ADGRL3: variants seen among roughly 807,000 people sequenced by gnomAD.
ADGRL3 encodes the protein adhesion G protein-coupled receptor L3, also known as calcium-independent alpha-latrotoxin receptor 3.
ADGRL3 carries 62 observed loss-of-function variants against 153.5 expected under a neutral mutation model. The observed-to-expected ratio is 0.40, with a 90% CI of 0.33 to 0.50. The LOEUF (loss-of-function observed/expected upper bound fraction) is 0.50, where lower values mean the gene tolerates loss of function less well. ADGRL3 is among the 20% of genes least tolerant of loss of function. The pLI, the probability that ADGRL3 is intolerant of heterozygous loss-of-function variation, is 0.47. For synonymous variants in ADGRL3, 710 were observed against 672.5 expected, an observed-to-expected ratio of 1.06 and a Z score of -0.86; for missense variants, 1,641 against 1,859.4, an observed-to-expected ratio of 0.88 and a Z score of 2.16.
At chr4:61,826,813 TG>T (rs140681243) in intron 9 of ADGRL3, among the ~76,000 whole-genome samples, 11,953 of 152,052 alleles carry the variant, frequency 0.079, 623 homozygotes, top group Admixed American at 0.16. Flanking sequence ...ATATACCTAA[TG>T]TAAATGATGA....
chr4:61,424,804 T>C (rs959853006), intron 2 of ADGRL3, among the ~76,000 whole-genome samples: 1 of 152,114 alleles, frequency 6.6e-6, no homozygotes, highest in Admixed American at 6.5e-5. Context: ...GGCTGTAACC[T>C]GTGTTTCTAC....
At chr4:61,317,836 G>C (rs1464010819) in intron 1 of ADGRL3, among the ~76,000 whole-genome samples, 1 of 151,984 alleles carries the variant, frequency 6.6e-6, no homozygotes, top group Non-Finnish European at 1.5e-5. Context: ...CTCCAACCCA[G>C]TACAAAAACT....
intron 9 of ADGRL3, among the ~76,000 whole-genome samples, chr4:61,816,118 G>A (rs1237816525): frequency 6.6e-6 from 1 of 152,170 alleles, no homozygotes; most frequent in Non-Finnish European, 1.5e-5. Flanking sequence ...TCCTACTAAT[G>A]TGAGTTGGTG....
intron 5 of ADGRL3, among the ~76,000 whole-genome samples, chr4:61,672,916 T>A (rs1018846889): frequency 6.6e-6 from 1 of 151,956 alleles, no homozygotes; most frequent in African/African-American, 2.4e-5. Flanking sequence ...AAGATAAATA[T>A]AATTGGCCTA....
chr4:61,765,526 G>T lies in ADGRL3; in HGVS notation c.1399+31972G>T, dbSNP rs544049949. On this transcript the variant is annotated intron_variant, in intron 8 of 26. Coordinates refer to ENST00000683033, the MANE Select transcript of ADGRL3 (RefSeq NM_001387552.1). ...ACAGAGGACCGTAAGGGATATAAAGGTTTCACTGAATACTAAGAGCCTGAA... is the reference window on the plus strand; with the variant it reads ...ACAGAGGACCGTAAGGGATATAAAGTTTTCACTGAATACTAAGAGCCTGAA... Among the ~76,000 whole-genome samples the T allele has an allele frequency of 2.6e-5, 4 of 152,132 alleles. No homozygotes were observed. In the South Asian group the frequency reaches 6.2e-4, roughly 24 times the overall value.
At chr4:61,274,158 A>G (rs1226316041) in intron 1 of ADGRL3, among the ~76,000 whole-genome samples, 1 of 152,244 alleles carries the variant, frequency 6.6e-6, no homozygotes, top group Non-Finnish European at 1.5e-5. Context: ...AGAAAAAGTT[A>G]GCTAAAGTAT....
chr4:62,064,411 C>T (rs549537454), intron 25 of ADGRL3, among the ~76,000 whole-genome samples: 8 of 151,414 alleles, frequency 5.3e-5, no homozygotes, highest in African/African-American at 1.5e-4. Context: ...TTACCTTTCC[C>T]GAGTATAAAA....
intron 1 of ADGRL3, among the ~76,000 whole-genome samples, chr4:61,289,706 T>C (rs536496091): frequency 1.3e-5 from 2 of 152,174 alleles, no homozygotes; most frequent in Admixed American, 6.6e-5. Context: ...TTACTTTATC[T>C]TTGTTCAGGT....
chr4:61,939,623 C>T (rs2098867813), intron 15 of ADGRL3, among the ~76,000 whole-genome samples: 2 of 152,154 alleles, frequency 1.3e-5, no homozygotes, highest in Non-Finnish European at 2.9e-5. Context: ...GCATGTGCCA[C>T]CACGCCTGGC....
intron 5 of ADGRL3, among the ~76,000 whole-genome samples, chr4:61,647,500 C>T (rs1247681215): frequency 6.6e-6 from 1 of 152,022 alleles, no homozygotes; most frequent in Non-Finnish European, 1.5e-5. Context: ...ATTGAAGTCT[C>T]ATTGATGGTT....
chr4:61,763,827 C>T (rs1345521630), intron 8 of ADGRL3, among the ~76,000 whole-genome samples: 1 of 152,052 alleles, frequency 6.6e-6, no homozygotes, highest in Non-Finnish European at 1.5e-5. Context: ...TTTAGGCAGA[C>T]ATAGTATAAT....
chr4:61,475,029 C>T (rs2098027176), intron 2 of ADGRL3, among the ~76,000 whole-genome samples: 1 of 152,052 alleles, frequency 6.6e-6, no homozygotes, highest in Non-Finnish European at 1.5e-5. Flanking sequence ...ATCAATTAAA[C>T]CATTTTAAGC....
At chr4:61,773,576 G>T (rs1000254487) in intron 8 of ADGRL3, among the ~76,000 whole-genome samples, 2 of 152,046 alleles carry the variant, frequency 1.3e-5, no homozygotes, top group Admixed American at 6.5e-5. Flanking sequence ...ACTGCCATGC[G>T]TTGCAGGTAC....
chr4:61,456,722 T>C (rs1272681523), intron 2 of ADGRL3, among the ~76,000 whole-genome samples: 1 of 151,446 alleles, frequency 6.6e-6, no homozygotes, highest in Non-Finnish European at 1.5e-5. Flanking sequence ...AAATGCTGTG[T>C]TTTGAGGTGG....
At chr4:61,999,123 A>C (rs1428241313) in intron 21 of ADGRL3, among the ~76,000 whole-genome samples, 1 of 152,232 alleles carries the variant, frequency 6.6e-6, no homozygotes, top group Non-Finnish European at 1.5e-5. Flanking sequence ...TAATATAAAA[A>C]TATGGCTCTA....
intron 19 of ADGRL3, among the ~76,000 whole-genome samples, chr4:61,988,800 A>G (rs2099094438): frequency 6.6e-6 from 1 of 152,142 alleles, no homozygotes; most frequent in African/African-American, 2.4e-5. Flanking sequence ...AGCCCAGAGA[A>G]TTGTCTAGGA....
rs35295982 is a variant in ADGRL3 at position 61,409,291 on chromosome 4, ATT to A, written c.-174+26103_-174+26104del. Among the ~76,000 whole-genome samples the A allele has an allele frequency of 5.5e-3, 779 of 140,764 alleles. 2 individuals carry two copies. The highest frequency in any genetic ancestry group is 0.01 in the South Asian group (47 of 4,584). The allele number at this position is 140,764 out of a possible 152,430, so 92.3% of individuals were successfully genotyped here. On this transcript the variant is annotated intron_variant, in intron 2 of 26. Transcript: ENST00000683033. ...GACATACATAATATATATTATATAT[ATT>A]AGACATCCATTATATATAATATATA...
intron 6 of ADGRL3, among the ~76,000 whole-genome samples, chr4:61,724,867 G>A (rs1363284530): frequency 1.3e-5 from 2 of 152,146 alleles, no homozygotes; most frequent in African/African-American, 4.8e-5. Context: ...CTATTAGGGA[G>A]ACATGAGTTA....
rs1208577455 is a variant in ADGRL3 at position 62,050,096 on chromosome 4, T to A, written c.3814+5547T>A. ...TTTTATTTTGCAGCGGTGGGAAGAA[T>A]GAAGTGGTTAACTGAATGCCAAGTA... On this transcript the variant is annotated intron_variant, in intron 25 of 26. Transcript: ENST00000683033. Among the ~76,000 whole-genome samples, 3 of 152,052 alleles carry A rather than the reference T, an allele frequency of 2.0e-5. No homozygotes were observed. In the East Asian group the frequency reaches 5.8e-4, roughly 29 times the overall value.
Sources: gnomAD v4.1 joint callset for allele counts (sites outside exome capture counted in the v4.1 genomes callset) on GRCh38, gnomAD v4.1.1 for gene constraint, MANE v1.5 for transcripts, NCBI Gene and HGNC (gene_info 2026-07-23, HGNC 2026-07-21) for gene names.